PRKN: variants seen among roughly 807,000 people sequenced by gnomAD.
PRKN encodes E3 ubiquitin-protein ligase parkin.
In PRKN, 56 loss-of-function variants were observed where a neutral mutation model predicts 59.5. The ratio of observed to expected loss-of-function variants is 0.94; its 90% confidence interval spans 0.76 to 1.18. The LOEUF (loss-of-function observed/expected upper bound fraction) is 1.18, where lower values mean the gene tolerates loss of function less well. Among genes scored for constraint, PRKN ranks in the 50% most tolerant of loss-of-function variants. The probability of loss-of-function intolerance (pLI) is 0.00; values close to 1 mark genes in which losing one functional copy is unlikely to be tolerated. For synonymous variants in PRKN, 250 were observed against 222.1 expected (o/e 1.13, Z -1.12); for missense variants, 657 against 596.4 (o/e 1.10, Z -1.06).
rs370963725 is a variant in PRKN, at chr6:161,421,256, C to T, written c.1084-34379G>A. Among the ~76,000 whole-genome samples, 3 of 152,134 alleles carry T rather than the reference C, an allele frequency of 2.0e-5. No individual in the cohort carries two copies. The South Asian group carries it at 6.2e-4, about 32-fold the overall frequency. ...GGGGGTACTTAAGTATTAATTGAAACGTGCTGAATTCCCAACATAAATGGA... is the reference window on the plus strand; with the variant it reads ...GGGGGTACTTAAGTATTAATTGAAATGTGCTGAATTCCCAACATAAATGGA... On this transcript the variant is annotated intron_variant, in intron 9 of 11. Coordinates refer to ENST00000366898, the MANE Select transcript of PRKN (RefSeq NM_004562.3).
Position 161,516,261 on chromosome 6 carries a change from G to A in PRKN, c.1083+32593C>T, listed in dbSNP as rs554897944. Among the ~76,000 whole-genome samples the A allele has an allele frequency of 4.6e-5, 7 of 150,544 alleles. No individual in the cohort carries two copies. In the South Asian group the frequency reaches 6.3e-4, roughly 14 times the overall value. On this transcript the variant is annotated intron_variant, in intron 9 of 11. Transcript: ENST00000366898. ...CCAGGAGTTTGAGACCAGCCTGTCC[G>A]ACATGGTGAAACCCCATCTCTACTT...
At chr6:161,690,456 T>G (rs564139589) in intron 7 of PRKN, among the ~76,000 whole-genome samples, 1 of 152,350 alleles carries the variant, frequency 6.6e-6, no homozygotes, top group East Asian at 1.9e-4. Context: ...TGGCTTGGAC[T>G]TAAAGAGCCT....
At chr6:162,038,654 C>A (rs1199135933) in intron 5 of PRKN, among the ~76,000 whole-genome samples, 1 of 152,130 alleles carries the variant, frequency 6.6e-6, no homozygotes, top group Non-Finnish European at 1.5e-5. Flanking sequence ...AGGAAAACTA[C>A]AGAAAAATAA....
chr6:162,373,056 G>C (rs1006490426), intron 2 of PRKN, among the ~76,000 whole-genome samples: 12 of 152,008 alleles, frequency 7.9e-5, no homozygotes, highest in Non-Finnish European at 1.5e-4. Flanking sequence ...ATAATTAATA[G>C]ATCTCTTTGA....
intron 9 of PRKN, among the ~76,000 whole-genome samples, chr6:161,509,871 C>T (rs1778318782): frequency 9.9e-6 from 1 of 101,254 alleles, no homozygotes; most frequent in South Asian, 3.8e-4. Context: ...CAGAGTGAGA[C>T]TCCATCTCAA....
chr6:161,924,810 T>C (rs1383431811), intron 6 of PRKN, among the ~76,000 whole-genome samples: 4 of 152,202 alleles, frequency 2.6e-5, no homozygotes, highest in African/African-American at 9.7e-5. Context: ...AATTCAACAT[T>C]CGATTTGCTT....
At chr6:161,663,010 G>T (rs1784602425) in intron 7 of PRKN, among the ~76,000 whole-genome samples, 1 of 152,146 alleles carries the variant, frequency 6.6e-6, no homozygotes, top group African/African-American at 2.4e-5. Flanking sequence ...CCGTGCTGTT[G>T]TCATGATAAT....
chr6:162,569,369 C>T (rs1469819028), intron 1 of PRKN: 5 of 649,552 alleles, frequency 7.7e-6, no homozygotes, highest in Admixed American at 1.8e-5. Context: ...ACAGGCCATG[C>T]AGGACATGGC....
At chr6:161,769,330 T>G (rs1789564435) in intron 7 of PRKN, among the ~76,000 whole-genome samples, 1 of 152,176 alleles carries the variant, frequency 6.6e-6, no homozygotes, top group Admixed American at 6.5e-5. Flanking sequence ...TTATGACCTC[T>G]GAGTTCAGAA....
chr6:162,484,464 G>A (rs1480763974), intron 1 of PRKN, among the ~76,000 whole-genome samples: 2 of 152,126 alleles, frequency 1.3e-5, no homozygotes, highest in Non-Finnish European at 2.9e-5. Flanking sequence ...GACTCAGGCT[G>A]GACTGACTTT....
chr6:161,747,061 T>C (rs1788462975), intron 7 of PRKN, among the ~76,000 whole-genome samples: 1 of 152,140 alleles, frequency 6.6e-6, no homozygotes, highest in Admixed American at 6.6e-5. Context: ...AAGCATTGGC[T>C]GAGAGACTGC....
At chr6:162,471,757 C>A (rs1457826424) in intron 1 of PRKN, among the ~76,000 whole-genome samples, 1 of 152,146 alleles carries the variant, frequency 6.6e-6, no homozygotes, top group Non-Finnish European at 1.5e-5. Context: ...TGCATATGTA[C>A]TAATACAGAT....
chr6:162,341,035 A>C (rs1465623772), intron 2 of PRKN, among the ~76,000 whole-genome samples: 2 of 152,186 alleles, frequency 1.3e-5, no homozygotes, highest in Non-Finnish European at 2.9e-5. Context: ...AAGGGCTAAT[A>C]TTCAGAATCT....
intron 6 of PRKN, among the ~76,000 whole-genome samples, chr6:161,930,236 A>G (rs1779122357): frequency 6.6e-6 from 1 of 152,228 alleles, no homozygotes; most frequent in African/African-American, 2.4e-5. Flanking sequence ...TGATTGCTAC[A>G]TTATCTTCTA....
chr6:161,857,615 G>C (rs181558203), intron 6 of PRKN, among the ~76,000 whole-genome samples: 1 of 152,280 alleles, frequency 6.6e-6, no homozygotes, highest in East Asian at 1.9e-4. Context: ...AAATGTATCA[G>C]TTTGCTTTTA....
At chr6:161,742,309 G>A (rs1788223731) in intron 7 of PRKN, among the ~76,000 whole-genome samples, 1 of 152,112 alleles carries the variant, frequency 6.6e-6, no homozygotes, top group Non-Finnish European at 1.5e-5. Flanking sequence ...GCTCTCTCTT[G>A]CCAGCTGTCA....
At chr6:162,684,300 G>T (rs1428847176) in intron 1 of PRKN, among the ~76,000 whole-genome samples, 1 of 151,804 alleles carries the variant, frequency 6.6e-6, no homozygotes, top group Non-Finnish European at 1.5e-5. Flanking sequence ...GAACTCTTCA[G>T]CCAGGAAAAT....
At chr6:162,532,782 C>T (rs1583743846) in intron 1 of PRKN, among the ~76,000 whole-genome samples, 1 of 152,080 alleles carries the variant, frequency 6.6e-6, no homozygotes, top group Non-Finnish European at 1.5e-5. Context: ...GTGTTTTGTA[C>T]AAGGAACAAA....
intron 2 of PRKN, among the ~76,000 whole-genome samples, chr6:162,337,455 TAA>T (rs1242428137): frequency 2.0e-5 from 3 of 152,234 alleles, no homozygotes; most frequent in Non-Finnish European, 4.4e-5. Context: ...CACTTGTTTA[TAA>T]AAATGTGTGA....
Sources: allele counts gnomAD v4.1 joint callset (sites outside exome capture counted in the v4.1 genomes callset), GRCh38; gene constraint gnomAD v4.1.1; transcripts MANE v1.5; gene names NCBI Gene and HGNC (gene_info 2026-07-23, HGNC 2026-07-21).